Variants in ZNF678 observed in about 807,000 individuals in gnomAD.
ZNF678 encodes hypothetical protein MGC42493.
A neutral mutation model predicts 3.0 loss-of-function variants in ZNF678; 5 were observed. That is an observed-to-expected ratio of 1.69 (90% CI 0.88 to 3.56). The LOEUF (loss-of-function observed/expected upper bound fraction) is 3.56, where lower values mean the gene tolerates loss of function less well. Ranked by LOEUF, ZNF678 falls within the 30% of genes most tolerant of loss-of-function variation. The probability of loss-of-function intolerance (pLI) is 0.00; values close to 1 mark genes in which losing one functional copy is unlikely to be tolerated. For synonymous variants in ZNF678, 218 were observed against 199.6 expected (o/e 1.09, Z -0.78); for missense variants, 593 against 605.0 (o/e 0.98, Z 0.21).
At chr1:227,595,782 G>T (rs1281735237) in intron 1 of ZNF678, among the ~76,000 whole-genome samples, 1 of 152,172 alleles carries the variant, frequency 6.6e-6, no homozygotes, top group Non-Finnish European at 1.5e-5. Flanking sequence ...TCCAAGTCAA[G>T]TCAAAAACAA....
chr1:227,653,368 C>T (rs1280037437), intron 3 of ZNF678, among the ~76,000 whole-genome samples: 1 of 151,976 alleles, frequency 6.6e-6, no homozygotes, highest in Non-Finnish European at 1.5e-5. Flanking sequence ...TTGATACTCA[C>T]ATTTCCTGAT....
chr1:227,630,666 TCTC>T (rs1162725294), intron 1 of ZNF678, among the ~76,000 whole-genome samples: 3 of 152,242 alleles, frequency 2.0e-5, no homozygotes, highest in East Asian at 1.9e-4. Context: ...TGGGCCAAAT[TCTC>T]CTCCTCCCAC....
At chr1:227,584,560 A>G (rs1360494568) in intron 1 of ZNF678, among the ~76,000 whole-genome samples, 1 of 152,248 alleles carries the variant, frequency 6.6e-6, no homozygotes, top group African/African-American at 2.4e-5. Flanking sequence ...ATGTTAAAAA[A>G]TATTCCATGA....
intron 1 of ZNF678, among the ~76,000 whole-genome samples, chr1:227,588,873 A>G (rs1323665606): frequency 1.4e-5 from 2 of 142,468 alleles, no homozygotes; most frequent in East Asian, 4.1e-4. Context: ...TTTCATTTGC[A>G]TTTTTCTCAT....
chr1:227,654,510 C>G lies in ZNF678; in HGVS notation c.260C>G (p.Thr87Ser). The stretch of plus-strand genomic sequence containing the variant: ...CAGAAAGAATATTGCAATAGACTTA[C>G]TCAATGTTCATCAACTAAAAGCAAA... The part of the protein sequence containing the change: ...KGQKEYCNRL[T>S]QCSSTKSKIF... The change falls in exon 4 of 4, where the codon ACT (threonine) becomes AGT (serine). Residue 87 changes from threonine (T) to serine (S), a missense_variant. Coordinates refer to ENST00000343776, the MANE Select transcript of ZNF678 (RefSeq NM_001367909.1). 6.2e-7 allele frequency: 1 copy of G among 1,613,230 alleles called. No homozygotes were observed. The highest frequency in any genetic ancestry group is 1.1e-5 in the South Asian group (1 of 91,044).
At chr1:227,673,893 C>A (rs1051650958) in intron 5 of ZNF678, among the ~76,000 whole-genome samples, 2 of 152,068 alleles carry the variant, frequency 1.3e-5, no homozygotes, top group Non-Finnish European at 1.5e-5. Flanking sequence ...ATTATAAAGG[C>A]TTTTATTCAT....
At chr1:227,663,458 A>G (rs1659450021), downstream of ZNF678, among the ~76,000 whole-genome samples, 1 of 152,172 alleles carries the variant, frequency 6.6e-6, no homozygotes, top group Non-Finnish European at 1.5e-5. Context: ...TGAGTTCTCT[A>G]AGATGACACA....
chr1:227,642,177 T>A (rs1486907888), intron 1 of ZNF678, among the ~76,000 whole-genome samples: 1 of 152,168 alleles, frequency 6.6e-6, no homozygotes, highest in Non-Finnish European at 1.5e-5. Context: ...AGGGCTAGAC[T>A]TTGAACTGAG....
Position 227,676,844 on chromosome 1 carries a change from C to A in ZNF678, c.227-335C>A, listed in dbSNP as rs920174197. 2.6e-5 allele frequency among the ~76,000 whole-genome samples: 4 copies of A among 152,256 alleles called. No individual in the cohort carries two copies. In the East Asian group the frequency reaches 7.7e-4, roughly 29 times the overall value. On this transcript the variant is annotated intron_variant, in intron 5 of 5. Coordinates refer to the ZNF678 transcript ENST00000608949. ...GCTTCATCCATGTCCCTACAAAGGA[C>A]ATGAACTCATCATTTTTTATGGTTG...
chr1:227,650,476 G>T (rs1659063034), intron 2 of ZNF678, among the ~76,000 whole-genome samples: 1 of 151,970 alleles, frequency 6.6e-6, no homozygotes, highest in Non-Finnish European at 1.5e-5. Flanking sequence ...TCAATGTCTT[G>T]TAATGCTATA....
chr1:227,576,333 G>A (rs1192955879), intron 1 of ZNF678, among the ~76,000 whole-genome samples: 1 of 152,170 alleles, frequency 6.6e-6, no homozygotes, highest in Non-Finnish European at 1.5e-5. Context: ...GGAACCAGCT[G>A]TTCTTTGTAC....
intron 1 of ZNF678, among the ~76,000 whole-genome samples, chr1:227,575,372 C>G (rs971927917): frequency 6.6e-6 from 1 of 151,912 alleles, no homozygotes; most frequent in African/African-American, 2.4e-5. Flanking sequence ...TTTTTTCTAT[C>G]TTAAGCATGG....
At chr1:227,580,068 T>C (rs533681009) in intron 1 of ZNF678, among the ~76,000 whole-genome samples, 1 of 152,292 alleles carries the variant, frequency 6.6e-6, no homozygotes, top group East Asian at 1.9e-4. Context: ...TCCAGAGGCC[T>C]GTGAGAGTGG....
chr1:227,606,068 G>T (rs1373176095), intron 1 of ZNF678, among the ~76,000 whole-genome samples: 1 of 152,132 alleles, frequency 6.6e-6, no homozygotes, highest in Non-Finnish European at 1.5e-5. Flanking sequence ...TCACCGGTGG[G>T]ACAAGAGACT....
At chr1:227,673,576 T>C (rs1157252137) in intron 5 of ZNF678, among the ~76,000 whole-genome samples, 1 of 152,222 alleles carries the variant, frequency 6.6e-6, no homozygotes, top group Non-Finnish European at 1.5e-5. Flanking sequence ...ATTTTACACA[T>C]GCTGCTTGAA....
At chr1:227,575,842 C>T (rs1176230072) in intron 1 of ZNF678, among the ~76,000 whole-genome samples, 27 of 152,080 alleles carry the variant, frequency 1.8e-4, no homozygotes, top group Admixed American at 6.6e-5. Flanking sequence ...GGGAATGCTT[C>T]AAGCTTTTGC....
At chr1:227,624,602 G>A (rs1300125305) in intron 1 of ZNF678, among the ~76,000 whole-genome samples, 1 of 152,148 alleles carries the variant, frequency 6.6e-6, no homozygotes, top group Non-Finnish European at 1.5e-5. Context: ...CTCTGACCTG[G>A]GGTTGTTGGC....
rs1438668805 is a variant in ZNF678, at chr1:227,598,557, A to C, written c.-164+34833A>C. On this transcript the variant is annotated intron_variant, in intron 1 of 3. Transcript: ENST00000343776. Reference sequence around the variant, plus strand: ...ACTGCTTTTCTTCTTTTTTGCTCGTACCTCCTCAGTAAACTGTGATTCTGA... The same window carrying C: ...ACTGCTTTTCTTCTTTTTTGCTCGTCCCTCCTCAGTAAACTGTGATTCTGA... The C allele has an allele frequency of 5.0e-6, 4 of 802,084 alleles. No individual in the cohort carries two copies. The East Asian group carries it at 1.2e-4, about 24-fold the overall frequency. 49.7% of individuals were successfully genotyped at this position (802,084 alleles called of 1,614,324 possible). A position where few individuals can be genotyped will look rare whatever the true frequency, so the allele number is the denominator to read the frequency against.
chr1:227,626,696 G>A (rs919778704), intron 1 of ZNF678, among the ~76,000 whole-genome samples: 1 of 152,024 alleles, frequency 6.6e-6, no homozygotes, highest in Non-Finnish European at 1.5e-5. Flanking sequence ...ATGCGAGGTG[G>A]GTTTCTTAGG....
Sources: gnomAD v4.1 joint callset for allele counts (sites outside exome capture counted in the v4.1 genomes callset) on GRCh38, gnomAD v4.1.1 for gene constraint, MANE v1.5 for transcripts, NCBI Gene and HGNC (gene_info 2026-07-23, HGNC 2026-07-21) for gene names.